Variants in LIFR observed in about 807,000 individuals in gnomAD.
LIFR encodes LIF receptor subunit alpha, also known as leukemia inhibitory factor receptor.
In LIFR, 84 loss-of-function variants were observed where a neutral mutation model predicts 122.2. The ratio of observed to expected loss-of-function variants is 0.69; its 90% CI spans 0.58 to 0.82. LIFR has a LOEUF of 0.82. LIFR is among the 40% of genes least tolerant of loss of function. LIFR has a pLI of 0.00. For synonymous variants in LIFR, 422 were observed against 434.7 expected, an observed-to-expected ratio of 0.97 and a Z score of 0.36; for missense variants, 1,294 against 1,311.6, an observed-to-expected ratio of 0.99 and a Z score of 0.21.
At chr5:38,523,878 G>A (rs1316684528) in intron 4 of LIFR, among the ~76,000 whole-genome samples, 1 of 152,086 alleles carries the variant, frequency 6.6e-6, no homozygotes, top group Non-Finnish European at 1.5e-5. Flanking sequence ...TGAAAAAGGG[G>A]AACATATATA....
At chr5:38,535,635 C>T (rs550231512) in intron 1 of LIFR, among the ~76,000 whole-genome samples, 1 of 152,228 alleles carries the variant, frequency 6.6e-6, no homozygotes, top group Non-Finnish European at 1.5e-5. Context: ...ACTTCCTAAT[C>T]TTATAATTCT....
intron 1 of LIFR, among the ~76,000 whole-genome samples, chr5:38,562,335 T>C (rs1233825804): frequency 1.3e-5 from 2 of 152,228 alleles, no homozygotes; most frequent in Admixed American, 1.3e-4. Context: ...TACCTCTTCC[T>C]TTTGACTTCC....
chr5:38,492,540 T>A (rs551820727), intron 14 of LIFR, among the ~76,000 whole-genome samples: 140 of 152,208 alleles, frequency 9.2e-4, no homozygotes, highest in African/African-American at 2.9e-3. Flanking sequence ...TAAGGAAGGA[T>A]AAAGGGAACA....
Position 38,581,785 on chromosome 5 carries a change from A to T in LIFR, c.-20+13476T>A, listed in dbSNP as rs76951053. Among the ~76,000 whole-genome samples, 635 of 152,328 alleles carry T rather than the reference A, an allele frequency of 4.2e-3. 4 individuals are homozygous for T. Among genetic ancestry groups the T allele is most frequent in the African/African-American group, 0.015 (610 of 41,560 alleles). ...AAGTCACATGGCCAAAATTGACCTTAAATGGGGCAGGGAAATATAAACCTG... is the reference window on the plus strand; with the variant it reads ...AAGTCACATGGCCAAAATTGACCTTTAATGGGGCAGGGAAATATAAACCTG... On this transcript the variant is annotated intron_variant, in intron 1 of 19. Coordinates refer to the LIFR transcript ENST00000263409.
At chr5:38,601,456 A>G (rs1750220570) in intron 2 of LIFR, among the ~76,000 whole-genome samples, 1 of 152,204 alleles carries the variant, frequency 6.6e-6, no homozygotes. Flanking sequence ...TGGGAAGAGA[A>G]AGAGATGCCA....
chr5:38,553,540 G>A (rs1219106605), intron 1 of LIFR, among the ~76,000 whole-genome samples: 3 of 146,978 alleles, frequency 2.0e-5, no homozygotes, highest in Non-Finnish European at 3.0e-5. Context: ...TACAGACAAC[G>A]TTAGCAGTTT....
intron 4 of LIFR, among the ~76,000 whole-genome samples, chr5:38,523,786 A>AT (rs1746532161): frequency 6.6e-6 from 1 of 152,232 alleles, no homozygotes; most frequent in African/African-American, 2.4e-5. Context: ...TGTCATGGAT[A>AT]TTTCAAAGAA....
upstream of LIFR, among the ~76,000 whole-genome samples, chr5:38,596,847 T>A (rs931692888): frequency 4.6e-5 from 7 of 152,228 alleles, no homozygotes; most frequent in Non-Finnish European, 1.0e-4. Context: ...CAACTTTGTG[T>A]TACCTTGGGC....
rs370818247 is a variant in LIFR at position 38,545,849 on chromosome 5, G to A, written c.-20+10485C>T. On this transcript the variant is annotated intron_variant, in intron 1 of 19. Transcript: ENST00000453190. ...TGCACTCTAGCCTGGGTGACAGAGC[G>A]AGACTCCATCTCAAAAAAAAAGAAA... Among the ~76,000 whole-genome samples the A allele has an allele frequency of 1.1e-3, 143 of 134,490 alleles. 2 individuals are homozygous for A. The East Asian group carries it at 0.028, about 27-fold the overall frequency. 88.2% of individuals were successfully genotyped at this position (134,490 alleles called of 152,430 possible). A position where few individuals can be genotyped will look rare whatever the true frequency, so the allele number is the denominator to read the frequency against.
In LIFR at chr5:38,489,063, T is replaced by C; in HGVS notation, c.2335+15A>G. 6.2e-7 allele frequency: 1 copy of C among 1,607,060 alleles called. No individual in the cohort carries two copies. Among genetic ancestry groups the C allele is most frequent in the East Asian group, 2.2e-5 (1 of 44,732 alleles). On this transcript the variant is annotated intron_variant, in intron 16 of 19. Coordinates refer to ENST00000453190, the MANE Select transcript of LIFR (RefSeq NM_001127671.2). ...CTTCTAAGAAACACTTTCCTTGTGCTATCAATTTACTCACCTGATTCTAAA... is the reference window on the plus strand; with the variant it reads ...CTTCTAAGAAACACTTTCCTTGTGCCATCAATTTACTCACCTGATTCTAAA...
intron 14 of LIFR, among the ~76,000 whole-genome samples, chr5:38,491,480 G>A: frequency 6.6e-6 from 1 of 152,234 alleles, no homozygotes; most frequent in East Asian, 1.9e-4. Flanking sequence ...ATAAGGCCTT[G>A]AAGGGCAATT....
chr5:38,479,470 A>G lies in LIFR; in HGVS notation c.*2125T>C. On this transcript the variant is annotated 3_prime_UTR_variant, in exon 20 of 20. Coordinates refer to ENST00000453190, the MANE Select transcript of LIFR (RefSeq NM_001127671.2). ...ACAAATGAGTCGTTATATAGGTTAGAAAGGGCCCTGGATCCAGATGGTCAC... is the reference window on the plus strand; with the variant it reads ...ACAAATGAGTCGTTATATAGGTTAGGAAGGGCCCTGGATCCAGATGGTCAC... 3 of 231,198 alleles carry G rather than the reference A, an allele frequency of 1.3e-5. No homozygotes were observed. Among genetic ancestry groups the G allele is most frequent in the Non-Finnish European group, 1.7e-5 (2 of 116,714 alleles). The allele number at this position is 231,198 out of a possible 1,614,324, so 14.3% of individuals were successfully genotyped here. A position where few individuals can be genotyped will look rare whatever the true frequency, so the allele number is the denominator to read the frequency against.
intron 1 of LIFR, among the ~76,000 whole-genome samples, chr5:38,543,788 G>T (rs946275386): frequency 6.6e-6 from 1 of 151,958 alleles, no homozygotes; most frequent in Non-Finnish European, 1.5e-5. Context: ...TCTATATGTG[G>T]TAATTTAAAA....
chr5:38,488,392 A>G (rs900469101), intron 16 of LIFR, among the ~76,000 whole-genome samples: 1 of 152,210 alleles, frequency 6.6e-6, no homozygotes, highest in African/African-American at 2.4e-5. Flanking sequence ...AGGCGAGGTC[A>G]TCCAGGGACA....
At chr5:38,600,744 A>AT (rs1255677890) in intron 2 of LIFR, among the ~76,000 whole-genome samples, 2 of 151,670 alleles carry the variant, frequency 1.3e-5, no homozygotes, top group East Asian at 2.0e-4. Context: ...CCTCTCCTCT[A>AT]TTTTTTCAGG....
At chr5:38,597,749 T>C (rs1750135153), upstream of LIFR, among the ~76,000 whole-genome samples, 1 of 152,212 alleles carries the variant, frequency 6.6e-6, no homozygotes, top group African/African-American at 2.4e-5. Flanking sequence ...TGCTGGTAGA[T>C]GACCAGCTGG....
Position 38,556,511 on chromosome 5 carries a change from G to C in LIFR, c.-197C>G, listed in dbSNP as rs1429856719. On this transcript the variant is annotated 5_prime_UTR_variant, in exon 1 of 20. Coordinates refer to ENST00000453190, the MANE Select transcript of LIFR (RefSeq NM_001127671.2). Reference sequence around the variant, plus strand: ...CGTCTCGCCTCCCCTGTGTCGGCGCGAGGCTGCTTGAGGCGGCCACGGGCG... The same window carrying C: ...CGTCTCGCCTCCCCTGTGTCGGCGCCAGGCTGCTTGAGGCGGCCACGGGCG... 5 of 150,724 alleles carry C rather than the reference G, an allele frequency of 3.3e-5. No individual in the cohort carries two copies. Among genetic ancestry groups the C allele is most frequent in the African/African-American group, 7.3e-5 (3 of 41,220 alleles). The allele number at this position is 150,724 out of a possible 1,614,324, so 9.3% of individuals were successfully genotyped here.
rs543190180 is a variant in LIFR at position 38,492,418 on chromosome 5, G to A, written c.2065+1188C>T. Reference sequence around the variant, plus strand: ...TATTCTAAAAGCTCAGGTGAGAAAGGACAGACTGGAATCGTGTAAGGCTCA... The same window carrying A: ...TATTCTAAAAGCTCAGGTGAGAAAGAACAGACTGGAATCGTGTAAGGCTCA... On this transcript the variant is annotated intron_variant, in intron 14 of 19. Transcript: ENST00000453190. 8.5e-5 allele frequency among the ~76,000 whole-genome samples: 13 copies of A among 152,284 alleles called. No individual in the cohort carries two copies. The East Asian group carries it at 2.3e-3, about 27-fold the overall frequency.
intron 14 of LIFR, among the ~76,000 whole-genome samples, 166 bp from the exon 15 acceptor site, chr5:38,490,457 G>C (rs1031318543): frequency 6.6e-5 from 10 of 151,928 alleles, no homozygotes; most frequent in Non-Finnish European, 2.9e-5. Context: ...ATATTCAAAA[G>C]AAAATTGACT....
Sources: allele counts gnomAD v4.1 joint callset (sites outside exome capture counted in the v4.1 genomes callset), GRCh38; gene constraint gnomAD v4.1.1; transcripts MANE v1.5; gene names NCBI Gene and HGNC (gene_info 2026-07-23, HGNC 2026-07-21).